Variants in COL25A1 observed in about 807,000 individuals in gnomAD.
COL25A1 encodes collagen type XXV alpha 1 chain, also known as collagen alpha-1(XXV) chain.
Under a neutral mutation model 128.4 loss-of-function variants are expected in COL25A1, and 103 were observed. The observed-to-expected ratio is 0.80, with a 90% CI of 0.68 to 0.94. The LOEUF is 0.94. Ranked by LOEUF, COL25A1 falls within the 40% of genes least tolerant of loss-of-function variation. The pLI is 0.00. For synonymous variants in COL25A1, 279 were observed against 277.2 expected (o/e 1.01, Z -0.06); for missense variants, 745 against 840.0 (o/e 0.89, Z 1.40).
At chr4:108,986,824 G>C (rs1396037638) in intron 6 of COL25A1, among the ~76,000 whole-genome samples, 2 of 152,142 alleles carry the variant, frequency 1.3e-5, no homozygotes, top group Non-Finnish European at 2.9e-5. Context: ...TGATAAAATG[G>C]TGGTTATGTT....
Position 108,809,974 on chromosome 4 carries a change from CTATT to C in COL25A1, c.*3949_*3952del, listed in dbSNP as rs920469317. 9.0e-6 allele frequency: 1 copy of C among 111,456 alleles called. No individual in the cohort carries two copies. The highest frequency in any genetic ancestry group is 2.7e-5 in the African/African-American group (1 of 36,974). The allele number at this position is 111,456 out of a possible 1,614,324, so 6.9% of individuals were successfully genotyped here. ...TCTTGTTTTTACAAATTAGAAAATC[CTATT>C]TTTTTGTAGTGTGAAATATTAATAT... On this transcript the variant is annotated 3_prime_UTR_variant, in exon 38 of 38. Transcript: ENST00000399132.
At chr4:108,950,125 C>T (rs766027139) in intron 8 of COL25A1, among the ~76,000 whole-genome samples, 3 of 152,122 alleles carry the variant, frequency 2.0e-5, no homozygotes, top group Non-Finnish European at 2.9e-5. Flanking sequence ...GCATCAAGCT[C>T]TTAGACGACC....
At chr4:108,941,541 T>A in intron 8 of COL25A1, 104 bp from the exon 9 acceptor site, 2 of 764,074 alleles carry the variant, frequency 2.6e-6, no homozygotes, top group Non-Finnish European at 4.5e-6. Flanking sequence ...CACATTAGAC[T>A]TATAATGATT....
Position 108,811,472 on chromosome 4 carries a change from C to T in COL25A1, c.*2455G>A, listed in dbSNP as rs570977521. 2.0e-5 allele frequency: 3 copies of T among 152,058 alleles called. No individual in the cohort carries two copies. The highest frequency in any genetic ancestry group is 6.5e-5 in the Admixed American group (1 of 15,278). 9.4% of individuals were successfully genotyped at this position (152,058 alleles called of 1,614,324 possible). A position where few individuals can be genotyped will look rare whatever the true frequency, so the allele number is the denominator to read the frequency against. ...TGTTTTTCTTTTGATGTTGAGGTAT[C>T]GTCTCCTGAAGCTGTGCAAGTTTTA... On this transcript the variant is annotated 3_prime_UTR_variant, in exon 38 of 38. Coordinates refer to ENST00000399132, the MANE Select transcript of COL25A1 (RefSeq NM_198721.4).
At chr4:109,123,209 C>A (rs1768270303) in intron 3 of COL25A1, among the ~76,000 whole-genome samples, 1 of 151,626 alleles carries the variant, frequency 6.6e-6, no homozygotes, top group African/African-American at 2.4e-5. Context: ...TCTCTGACAA[C>A]AAGAACTTTA....
chr4:109,088,814 A>C (rs1482524305), intron 3 of COL25A1, among the ~76,000 whole-genome samples: 1 of 152,190 alleles, frequency 6.6e-6, no homozygotes, highest in Non-Finnish European at 1.5e-5. Context: ...GGACAAGAGA[A>C]TGAATGATGG....
intron 11 of COL25A1, among the ~76,000 whole-genome samples, chr4:108,922,287 A>G (rs576665770): frequency 5.4e-4 from 82 of 152,316 alleles, no homozygotes; most frequent in Non-Finnish European, 8.4e-4. Context: ...CTTGGGTTTT[A>G]TCATTGTCTA....
chr4:108,909,648 ATAGT>A (rs921405234), intron 13 of COL25A1, among the ~76,000 whole-genome samples: 2 of 152,214 alleles, frequency 1.3e-5, no homozygotes, highest in African/African-American at 2.4e-5. Context: ...ATGCAGAGAG[ATAGT>A]TAGAAGTTTG....
intron 3 of COL25A1, among the ~76,000 whole-genome samples, chr4:109,171,471 A>G (rs1260093877): frequency 6.6e-6 from 1 of 152,218 alleles, no homozygotes; most frequent in Non-Finnish European, 1.5e-5. Context: ...TAGCTAAGCA[A>G]TAAGTGTTTG....
intron 11 of COL25A1, among the ~76,000 whole-genome samples, chr4:108,932,477 C>T (rs151018264): frequency 9.8e-4 from 149 of 152,236 alleles, no homozygotes; most frequent in African/African-American, 3.5e-3. Context: ...CTCTCAGATA[C>T]CACTACGGCC....
At chr4:108,947,666 A>C (rs1054596804) in intron 8 of COL25A1, among the ~76,000 whole-genome samples, 1 of 152,130 alleles carries the variant, frequency 6.6e-6, no homozygotes, top group African/African-American at 2.4e-5. Flanking sequence ...AATTCTAGTC[A>C]GGCAAATGAC....
intron 3 of COL25A1, among the ~76,000 whole-genome samples, chr4:109,186,445 A>G (rs1775138469): frequency 6.6e-6 from 1 of 152,220 alleles, no homozygotes; most frequent in South Asian, 2.1e-4. Context: ...AGAGATCTCT[A>G]GCTTTAAAGT....
chr4:108,964,042 A>G (rs1003709690), intron 8 of COL25A1, among the ~76,000 whole-genome samples: 3 of 150,726 alleles, frequency 2.0e-5, no homozygotes, highest in Non-Finnish European at 4.4e-5. Context: ...ATATGTAAAT[A>G]ATATCATAAT....
At chr4:109,003,951 T>C (rs1755719778) in intron 6 of COL25A1, among the ~76,000 whole-genome samples, 1 of 152,202 alleles carries the variant, frequency 6.6e-6, no homozygotes, top group South Asian at 2.1e-4. Flanking sequence ...TTTCTTTTCC[T>C]CTCCAAGAGT....
At chr4:109,074,741 T>C (rs911127210) in intron 3 of COL25A1, among the ~76,000 whole-genome samples, 1 of 152,188 alleles carries the variant, frequency 6.6e-6, no homozygotes, top group African/African-American at 2.4e-5. Flanking sequence ...ATTTAGGCAT[T>C]CAATGGAATC....
At chr4:109,019,298 T>C (rs530346410) in intron 5 of COL25A1, among the ~76,000 whole-genome samples, 5 of 150,098 alleles carry the variant, frequency 3.3e-5, no homozygotes, top group African/African-American at 7.3e-5. Flanking sequence ...CTTGTGATCA[T>C]GTAAGTTAAT....
chr4:108,844,648 T>A lies in COL25A1; in HGVS notation c.1579-79A>T. 3.2e-6 allele frequency: 5 copies of A among 1,551,136 alleles called. No homozygotes were observed. In the Admixed American group the frequency reaches 9.8e-5, roughly 30 times the overall value. On this transcript the variant is annotated intron_variant, in intron 29 of 37. Coordinates refer to ENST00000399132, the MANE Select transcript of COL25A1 (RefSeq NM_198721.4). ...TTCAACTTGAATCTTGTGCTGGGGT[T>A]CTGCTAAGGCCATTAGTAGTTGGAG...
At chr4:109,153,140 C>CT (rs1253881786) in intron 3 of COL25A1, among the ~76,000 whole-genome samples, 1 of 151,880 alleles carries the variant, frequency 6.6e-6, no homozygotes, top group Non-Finnish European at 1.5e-5. Flanking sequence ...AATCCCAGCA[C>CT]TTTGGGAGGC....
At chr4:108,877,453 T>C (rs557590538) in intron 19 of COL25A1, among the ~76,000 whole-genome samples, 2 of 152,304 alleles carry the variant, frequency 1.3e-5, no homozygotes, top group East Asian at 3.9e-4. Context: ...TGGCTATATG[T>C]ACACACAGAA....
Sources: allele counts gnomAD v4.1 joint callset (sites outside exome capture counted in the v4.1 genomes callset), GRCh38; gene constraint gnomAD v4.1.1; transcripts MANE v1.5; gene names NCBI Gene and HGNC (gene_info 2026-07-23, HGNC 2026-07-21).